PCNX2: variants seen among roughly 807,000 people sequenced by gnomAD.
PCNX2 encodes pecanex 2.
In PCNX2, 168 loss-of-function variants were observed where a neutral mutation model predicts 223.8. The observed-to-expected ratio is 0.75, with a 90% confidence interval of 0.66 to 0.85. The LOEUF is 0.85. PCNX2 is among the 40% of genes least tolerant of loss of function. The pLI, the probability that PCNX2 is intolerant of heterozygous loss-of-function variation, is 0.00. For missense variants in PCNX2, 2,507 were observed against 2,675.5 expected (o/e 0.94, Z 1.39); for synonymous variants, 1,006 against 1,052.6 (o/e 0.96, Z 0.86).
At chr1:233,108,493 G>A (rs7524559) in intron 21 of PCNX2, among the ~76,000 whole-genome samples, 2,348 of 152,286 alleles carry the variant, frequency 0.015, 58 homozygotes, top group African/African-American at 0.052. Flanking sequence ...AGAAATTGCC[G>A]GCTCCTTCTC....
rs779384633 is a variant in PCNX2 at position 233,252,679 on chromosome 1, G to A, written c.1944C>T (p.Thr648=). ...PDLQSQDHTS[T]GPACTQPAKT... is the part of the protein sequence containing the mutation. Reference sequence around the variant, plus strand: ...TGGCAGGCTGAGTGCATGCGGGGCCGGTGCTAGTATGGTCTTGACTTTGCA... The same window carrying A: ...TGGCAGGCTGAGTGCATGCGGGGCCAGTGCTAGTATGGTCTTGACTTTGCA... The change falls in exon 6 of 34, where the codon ACC becomes ACT. Residue 648 remains threonine (T), a synonymous_variant. Transcript: ENST00000258229. 56 of 1,613,438 alleles carry A rather than the reference G, an allele frequency of 3.5e-5. No individual in the cohort carries two copies. Among genetic ancestry groups the A allele is most frequent in the African/African-American group, 4.0e-5 (3 of 74,888 alleles).
the PCNX2 span, among the ~76,000 whole-genome samples, chr1:233,323,595 G>T: frequency 4.6e-5 from 7 of 152,260 alleles, no homozygotes; most frequent in Non-Finnish European, 1.0e-4. Flanking sequence ...ATGTATTATG[G>T]TGATCTGTGA....
chr1:233,063,176 C>A (rs965515897), intron 23 of PCNX2, among the ~76,000 whole-genome samples: 2 of 152,126 alleles, frequency 1.3e-5, no homozygotes, highest in African/African-American at 4.8e-5. Flanking sequence ...GGCGAGGCTG[C>A]AGTGAGCCAA....
At chr1:233,235,971 T>A (rs1433310647) in intron 9 of PCNX2, among the ~76,000 whole-genome samples, 7 of 142,670 alleles carry the variant, frequency 4.9e-5, no homozygotes, top group South Asian at 2.2e-4. Context: ...TATATATATA[T>A]ATATATATAT....
intron 23 of PCNX2, among the ~76,000 whole-genome samples, chr1:233,078,339 C>A (rs1032762946): frequency 2.0e-5 from 3 of 152,212 alleles, no homozygotes; most frequent in African/African-American, 7.2e-5. Context: ...CCCTCACTGT[C>A]CAGATGTTTC....
intron 23 of PCNX2, chr1:233,057,851 C>T: frequency 1.1e-6 from 1 of 873,278 alleles, no homozygotes; most frequent in African/African-American, 2.3e-5. Flanking sequence ...CAGAGCAAGA[C>T]TCAAAAAAAA....
In PCNX2 at chr1:233,000,304, C is replaced by A; in HGVS notation, c.5328+1G>T. 2 of 1,613,892 alleles carry A rather than the reference C, an allele frequency of 1.2e-6. No individual in the cohort carries two copies. The highest frequency in any genetic ancestry group is 1.7e-6 in the Non-Finnish European group (2 of 1,179,842). ...GGACCCAGAAAGTGTGGCCGCCATACCTTGATCACCTTGAAGCTCAGGAAG... is the reference window on the plus strand; with the variant it reads ...GGACCCAGAAAGTGTGGCCGCCATAACTTGATCACCTTGAAGCTCAGGAAG... On this transcript the variant is annotated splice_donor_variant, in intron 30 of 33. Coordinates refer to ENST00000258229, the MANE Select transcript of PCNX2 (RefSeq NM_014801.4). LOFTEE classifies it high-confidence loss of function. This position sits in a 1 kb window ranked among gnomAD's most constrained non-coding sequence, Gnocchi z 4.6.
intron 1 of PCNX2, among the ~76,000 whole-genome samples, chr1:233,281,386 AAC>A (rs1661186433): frequency 6.6e-6 from 1 of 152,202 alleles, no homozygotes; most frequent in Admixed American, 6.5e-5. Context: ...AAAGAACTGA[AAC>A]ACACAGTAAA....
chr1:233,199,062 G>C lies in PCNX2; in HGVS notation c.2975-32C>G, dbSNP rs750648070. On this transcript the variant is annotated intron_variant, in intron 14 of 33. Transcript: ENST00000258229. ...CACAAACATCAACAGTTCTTTTCTA[G>C]ACCCGCCATTCTTAAAATCAACAAA... The C allele has an allele frequency of 4.6e-6, 7 of 1,513,442 alleles. No homozygotes were observed. The African/African-American group carries it at 8.4e-5, about 18-fold the overall frequency. The allele number at this position is 1,513,442 out of a possible 1,614,324, so 93.8% of individuals were successfully genotyped here. A position where few individuals can be genotyped will look rare whatever the true frequency, so the allele number is the denominator to read the frequency against.
In PCNX2 at chr1:233,176,162, C is replaced by T. The variant is rs1424478003; in HGVS notation, c.3273+1640G>A. Among the ~76,000 whole-genome samples the T allele has an allele frequency of 2.6e-5, 4 of 152,182 alleles. No homozygotes were observed. In the South Asian group the frequency reaches 8.3e-4, roughly 32 times the overall value. On this transcript the variant is annotated intron_variant, in intron 17 of 33. Transcript: ENST00000258229. ...GACATCAGAGGCTCCAAGCTCAATA[C>T]TCAGATGTATGGGAGCTTACACAAT...
chr1:233,047,478 G>T, intron 25 of PCNX2: 2 of 829,090 alleles, frequency 2.4e-6, no homozygotes, highest in Non-Finnish European at 2.9e-6. Flanking sequence ...AATTCAACTA[G>T]GTTAGCTCTA....
intron 22 of PCNX2, among the ~76,000 whole-genome samples, chr1:233,094,332 T>A (rs1340617276): frequency 6.6e-6 from 1 of 152,218 alleles, no homozygotes; most frequent in South Asian, 2.1e-4. Context: ...ATTTCACCTG[T>A]TTTTGTTTTA....
At chr1:233,016,692 C>A (rs4649423) in intron 27 of PCNX2, 25 of 829,422 alleles carry the variant, frequency 3.0e-5, no homozygotes, top group Non-Finnish European at 3.3e-5. Context: ...TGGCCCTGAG[C>A]ACTGCATAAA....
chr1:233,030,041 C>T (rs1217732041), intron 25 of PCNX2, among the ~76,000 whole-genome samples: 1 of 152,146 alleles, frequency 6.6e-6, no homozygotes, highest in Non-Finnish European at 1.5e-5. Context: ...CCCTATTTCA[C>T]ACTTCTCCAT....
chr1:233,274,873 G>A (rs1029202990), intron 1 of PCNX2, among the ~76,000 whole-genome samples: 18 of 152,140 alleles, frequency 1.2e-4, no homozygotes, highest in Non-Finnish European at 2.1e-4. Context: ...GAAGGCTAGC[G>A]AAACATAGAA....
intron 12 of PCNX2, chr1:233,210,655 A>G: frequency 1.0e-6 from 1 of 985,302 alleles, no homozygotes; most frequent in Non-Finnish European, 1.2e-6. Context: ...ACTGCCACAT[A>G]TGAATCAATC....
Position 233,262,073 on chromosome 1 carries a change from A to C in PCNX2, c.452T>G (p.Ile151Arg). The C allele has an allele frequency of 6.2e-7, 1 of 1,613,878 alleles. No individual in the cohort carries two copies. Among genetic ancestry groups the C allele is most frequent in the Non-Finnish European group, 8.5e-7 (1 of 1,179,772 alleles). The change falls in exon 3 of 34, where the codon ATA (isoleucine) becomes AGA (arginine). Residue 151 changes from isoleucine (I) to arginine (R), a missense_variant. Around this residue, in one of 3 missense-constraint regions of PCNX2, gnomAD observed 1,031 missense variants for 1,021.7 expected, o/e 1.01. Coordinates refer to ENST00000258229, the MANE Select transcript of PCNX2 (RefSeq NM_014801.4). ...PLRCSSRGQS[I>R]TSHHSSGPLE... ...TGGCCCAGAAGAGTGATGAGAGGTT[A>C]TGCTTTGCCCTCTGGAGCTGCAGCG... is the stretch of plus-strand genomic sequence containing the variant.
At chr1:233,082,553 A>C (rs182301970) in intron 23 of PCNX2, among the ~76,000 whole-genome samples, 2 of 152,336 alleles carry the variant, frequency 1.3e-5, no homozygotes, top group Admixed American at 1.3e-4. Context: ...CTGCAAGTCA[A>C]TATATGTAAA....
chr1:233,237,482 G>A (rs1658492771), intron 8 of PCNX2, among the ~76,000 whole-genome samples: 1 of 152,124 alleles, frequency 6.6e-6, no homozygotes, highest in Admixed American at 6.5e-5. Flanking sequence ...TGATCAAGAG[G>A]ACATGATGGA....
Sources: allele counts gnomAD v4.1 joint callset (sites outside exome capture counted in the v4.1 genomes callset), GRCh38; gene constraint gnomAD v4.1.1; regional missense constraint gnomAD v4.1.1; non-coding constraint Gnocchi (gnomAD v3.1); transcripts MANE v1.5; gene names NCBI Gene and HGNC (gene_info 2026-07-23, HGNC 2026-07-21).